The following DZIP1L variants were observed in gnomAD, a reference collection of about 807,000 sequenced individuals.
DZIP1L encodes the protein cilium assembly protein DZIP1L.
Under a neutral mutation model 88.7 loss-of-function variants are expected in DZIP1L, and 90 were observed. That is an observed-to-expected ratio of 1.02 (90% CI 0.86 to 1.21). The LOEUF (loss-of-function observed/expected upper bound fraction) is 1.21, where lower values mean the gene tolerates loss of function less well. Ranked by LOEUF, DZIP1L falls within the 50% of genes most tolerant of loss-of-function variation. The probability of loss-of-function intolerance (pLI) is 0.00; values close to 1 mark genes in which losing one functional copy is unlikely to be tolerated. For synonymous variants in DZIP1L, 363 were observed against 372.1 expected, an observed-to-expected ratio of 0.98 and a Z score of 0.28; for missense variants, 932 against 955.8, an observed-to-expected ratio of 0.98 and a Z score of 0.33.
At chr3:138,077,275 G>C (rs1943455832) in intron 11 of DZIP1L, among the ~76,000 whole-genome samples, 1 of 152,212 alleles carries the variant, frequency 6.6e-6, no homozygotes, top group Non-Finnish European at 1.5e-5. Context: ...AGTATCGCCA[G>C]CCAAATAGGG....
rs543212924 is a variant in DZIP1L at position 138,086,951 on chromosome 3, C to G, written c.1062+10G>C. 1 of 1,613,652 alleles carries G rather than the reference C, an allele frequency of 6.2e-7. No individual in the cohort carries two copies. Among genetic ancestry groups the G allele is most frequent in the East Asian group, 2.2e-5 (1 of 44,860 alleles). Reference sequence around the variant, plus strand: ...AACCAAGCTCCCCGAGATCACCCAACAAAAGCTACCTCTTTCTTCTCAGCC... The same window carrying G: ...AACCAAGCTCCCCGAGATCACCCAAGAAAAGCTACCTCTTTCTTCTCAGCC... On this transcript the variant is annotated intron_variant, in intron 7 of 15. Transcript: ENST00000327532.
intron 4 of DZIP1L, 151 bp from the exon 5 acceptor site, chr3:138,092,695 G>A: frequency 1.4e-6 from 1 of 723,412 alleles, no homozygotes; most frequent in Non-Finnish European, 2.0e-6. Context: ...GACTTGGGAG[G>A]ACCAGTCTAA....
chr3:138,066,451 A>C (rs1370510539), intron 14 of DZIP1L, among the ~76,000 whole-genome samples: 1 of 152,192 alleles, frequency 6.6e-6, no homozygotes, highest in East Asian at 1.9e-4. Flanking sequence ...TTTACAAGTA[A>C]ATAAATAAAC....
At chr3:138,066,718 G>A (rs1942919188) in intron 14 of DZIP1L, among the ~76,000 whole-genome samples, 2 of 151,840 alleles carry the variant, frequency 1.3e-5, no homozygotes, top group Non-Finnish European at 2.9e-5. Flanking sequence ...TCTCTCACAC[G>A]CCTCGAGCTT....
intron 4 of DZIP1L, among the ~76,000 whole-genome samples, chr3:138,093,561 A>T (rs1334585681): frequency 6.6e-6 from 1 of 152,240 alleles, no homozygotes; most frequent in Non-Finnish European, 1.5e-5. Flanking sequence ...GCTTATTCCT[A>T]TAGAAGGTTG....
chr3:138,101,635 G>A, intron 2 of DZIP1L: 1 of 792,442 alleles, frequency 1.3e-6, no homozygotes, highest in South Asian at 1.3e-5. Flanking sequence ...GCTGAGGCCA[G>A]GGCTTGTGAG....
intron 7 of DZIP1L, among the ~76,000 whole-genome samples, chr3:138,084,749 TTAA>T (rs1943843913): frequency 6.6e-6 from 1 of 152,216 alleles, no homozygotes; most frequent in Non-Finnish European, 1.5e-5. Context: ...TCAGTGTATC[TTAA>T]TATATTTCTC....
chr3:138,080,047 C>G (rs114354779), intron 10 of DZIP1L, among the ~76,000 whole-genome samples: 4,841 of 152,232 alleles, frequency 0.032, 261 homozygotes, highest in African/African-American at 0.11. Flanking sequence ...GTCTGCGAAT[C>G]AGAGTCAATC....
chr3:138,106,654 A>C (rs1486763498), intron 1 of DZIP1L, among the ~76,000 whole-genome samples: 1 of 151,384 alleles, frequency 6.6e-6, no homozygotes, highest in Non-Finnish European at 1.5e-5. Context: ...CAACATGGTG[A>C]AACCCCGTCT....
chr3:138,079,946 C>T (rs1427704246), intron 10 of DZIP1L, among the ~76,000 whole-genome samples: 1 of 152,158 alleles, frequency 6.6e-6, no homozygotes, highest in African/African-American at 2.4e-5. Context: ...GCTTCCTCTC[C>T]CTGACTATCC....
In DZIP1L at chr3:138,115,467, C is replaced by G. The variant is rs1255658278; in HGVS notation, c.-221G>C. On this transcript the variant is annotated 5_prime_UTR_variant, in exon 1 of 16. Coordinates refer to ENST00000327532, the MANE Select transcript of DZIP1L (RefSeq NM_173543.3). ...GGTTCCCGGAATGCTCACCGCCCGCCGTTCCCGGGATGCTTCCCCAGCCCC... is the reference window on the plus strand; with the variant it reads ...GGTTCCCGGAATGCTCACCGCCCGCGGTTCCCGGGATGCTTCCCCAGCCCC... The G allele has an allele frequency of 6.6e-6, 1 of 152,446 alleles. No individual in the cohort carries two copies. The highest frequency in any genetic ancestry group is 2.4e-5 in the African/African-American group (1 of 41,468). The allele number at this position is 152,446 out of a possible 1,614,324, so 9.4% of individuals were successfully genotyped here.
At chr3:138,077,314 G>C (rs1178024650) in intron 11 of DZIP1L, among the ~76,000 whole-genome samples, 185 bp downstream of exon 11, 2 of 152,232 alleles carry the variant, frequency 1.3e-5, no homozygotes, top group Non-Finnish European at 2.9e-5. Flanking sequence ...TGGAGAAACA[G>C]AGGAAAGATA....
chr3:138,085,247 T>C (rs1287168448), intron 7 of DZIP1L, among the ~76,000 whole-genome samples: 1 of 152,120 alleles, frequency 6.6e-6, no homozygotes, highest in East Asian at 1.9e-4. Flanking sequence ...AAAGCCAAAA[T>C]TGACAAATGG....
intron 14 of DZIP1L, among the ~76,000 whole-genome samples, chr3:138,066,288 C>A (rs1192257868): frequency 6.6e-6 from 1 of 152,164 alleles, no homozygotes; most frequent in Non-Finnish European, 1.5e-5. Context: ...CTGAGGTTTA[C>A]CTTGGAGGCT....
intron 10 of DZIP1L, 119 bp downstream of exon 10, chr3:138,080,448 G>T: frequency 1.9e-6 from 2 of 1,066,402 alleles, no homozygotes; most frequent in Non-Finnish European, 2.8e-6. Flanking sequence ...CATGTCCTTA[G>T]ATCCCTCCAC....
Position 138,070,308 on chromosome 3 carries a change from G to T in DZIP1L, c.1615+1335C>A, listed in dbSNP as rs189961055. Among the ~76,000 whole-genome samples the T allele has an allele frequency of 1.3e-3, 203 of 152,306 alleles. 1 individual carries two copies. The highest frequency in any genetic ancestry group is 4.3e-3 in the African/African-American group (180 of 41,578). On this transcript the variant is annotated intron_variant, in intron 12 of 15. Coordinates refer to ENST00000327532, the MANE Select transcript of DZIP1L (RefSeq NM_173543.3). The stretch of plus-strand genomic sequence containing the variant: ...TGAATGAATGAACATTTGACTGAAT[G>T]AGCAAAAGGATATACGTTTAAATTG...
At chr3:138,072,333 T>C (rs1026579247) in intron 11 of DZIP1L, among the ~76,000 whole-genome samples, 4 of 152,174 alleles carry the variant, frequency 2.6e-5, no homozygotes, top group African/African-American at 7.2e-5. Context: ...CCAGAGCCCA[T>C]GGGAGGGTCC....
intron 2 of DZIP1L, chr3:138,102,420 G>T: frequency 7.1e-7 from 1 of 1,411,402 alleles, no homozygotes; most frequent in Non-Finnish European, 9.9e-7. Flanking sequence ...CCTGCATGTT[G>T]CCAAGCTCTG....
At chr3:138,066,056 C>T (rs1942884161) in intron 14 of DZIP1L, among the ~76,000 whole-genome samples, 5 of 152,168 alleles carry the variant, frequency 3.3e-5, no homozygotes, top group Admixed American at 3.3e-4. Flanking sequence ...CTGAAAAGGG[C>T]AAAGAGCTTT....
Sources: gnomAD v4.1 joint callset for allele counts (sites outside exome capture counted in the v4.1 genomes callset) on GRCh38, gnomAD v4.1.1 for gene constraint, MANE v1.5 for transcripts, NCBI Gene and HGNC (gene_info 2026-07-23, HGNC 2026-07-21) for gene names.